Variants in HMGCS2 observed in about 807,000 individuals in gnomAD.
HMGCS2 encodes hydroxymethylglutaryl-CoA synthase, mitochondrial.
Under a neutral mutation model 57.4 loss-of-function variants are expected in HMGCS2, and 50 were observed. That is an observed-to-expected ratio of 0.87 (90% CI 0.69 to 1.10). The LOEUF is 1.10. Ranked by LOEUF, HMGCS2 falls within the 50% of genes least tolerant of loss-of-function variation. The pLI, the probability that HMGCS2 is intolerant of heterozygous loss-of-function variation, is 0.00. For missense variants in HMGCS2, 627 were observed against 636.5 expected (o/e 0.99, Z 0.16); for synonymous variants, 254 against 245.1 (o/e 1.04, Z -0.34).
chr1:119,768,127 A>G (rs759254398), intron 1 of HMGCS2, among the ~76,000 whole-genome samples: 27 of 152,236 alleles, frequency 1.8e-4, no homozygotes, highest in Non-Finnish European at 2.9e-4. Flanking sequence ...AGCCTGAGGC[A>G]CTAACGATAG....
chr1:119,756,435 T>TA (rs1265539465), intron 5 of HMGCS2, among the ~76,000 whole-genome samples: 1 of 152,136 alleles, frequency 6.6e-6, no homozygotes, highest in Non-Finnish European at 1.5e-5. Context: ...GGGCTGGTCT[T>TA]ACAAGCAGTG....
intron 2 of HMGCS2, among the ~76,000 whole-genome samples, chr1:119,763,243 A>G (rs587693389): frequency 1.3e-5 from 2 of 152,340 alleles, no homozygotes; most frequent in East Asian, 3.9e-4. Flanking sequence ...ATATTGAATT[A>G]GATGATCTCT....
At chr1:119,762,134 A>G (rs750601295) in intron 2 of HMGCS2, among the ~76,000 whole-genome samples, 143 of 152,218 alleles carry the variant, frequency 9.4e-4, no homozygotes, top group Non-Finnish European at 1.9e-3. Context: ...TCAATATGGG[A>G]TTAATTAAAT....
At chr1:119,760,431 A>G (rs1173967776) in intron 2 of HMGCS2, among the ~76,000 whole-genome samples, 6 of 152,248 alleles carry the variant, frequency 3.9e-5, no homozygotes, top group African/African-American at 1.2e-4. Context: ...GAGGTAGGTA[A>G]CATCCACATT....
At chr1:119,751,809 G>A (rs749939676) in intron 8 of HMGCS2, among the ~76,000 whole-genome samples, 17 of 152,064 alleles carry the variant, frequency 1.1e-4, no homozygotes, top group South Asian at 2.1e-4. Context: ...TTCCAATTCC[G>A]TATATTCTGT....
intron 2 of HMGCS2, among the ~76,000 whole-genome samples, chr1:119,761,909 A>G (rs1653058093): frequency 6.6e-6 from 1 of 152,252 alleles, no homozygotes; most frequent in Non-Finnish European, 1.5e-5. Context: ...ATTGACAAAG[A>G]TTAGAAAGTT....
chr1:119,750,096 G>A (rs764115376), intron 9 of HMGCS2, among the ~76,000 whole-genome samples: 7 of 152,002 alleles, frequency 4.6e-5, no homozygotes, highest in African/African-American at 1.7e-4. Flanking sequence ...GAACCTCATT[G>A]CTTCTCCCCA....
chr1:119,766,593 C>A (rs1436771580), intron 1 of HMGCS2, among the ~76,000 whole-genome samples: 1 of 152,196 alleles, frequency 6.6e-6, no homozygotes, highest in East Asian at 1.9e-4. Context: ...TTATTTGACT[C>A]CCTCCAAATA....
chr1:119,763,166 C>A (rs1028160801), intron 2 of HMGCS2, among the ~76,000 whole-genome samples: 3 of 152,260 alleles, frequency 2.0e-5, no homozygotes, highest in African/African-American at 7.2e-5. Flanking sequence ...TGTAATTGCA[C>A]GGTCTTGCTG....
At position 119,755,595 on chromosome 1, in the gene HMGCS2, C is replaced by A; in HGVS notation, c.1019G>T (p.Gly340Val). 1.2e-6 allele frequency: 2 copies of A among 1,613,902 alleles called. No homozygotes were observed. The highest frequency in any genetic ancestry group is 1.7e-6 in the Non-Finnish European group (2 of 1,179,946). ...SLYKGLEAFG[G>V]LKLEDTYTNK... ...GGTGTAGGTGTCTTCCAGCTTTAGC[C>A]CCCTGTGAGGTAGCCAGAGGTAGCC... is the stretch of plus-strand genomic sequence containing the variant. The change falls in exon 6 of 10, where the codon GGG becomes GTG. Residue 340 changes from glycine to valine, a missense_variant and splice_region_variant. Coordinates refer to ENST00000369406, the MANE Select transcript of HMGCS2 (RefSeq NM_005518.4).
Position 119,753,333 on chromosome 1 carries a change from G to A in HMGCS2, c.1241C>T (p.Ser414Phe). 6.2e-7 allele frequency: 1 copy of A among 1,613,772 alleles called. No individual in the cohort carries two copies. Among genetic ancestry groups the A allele is most frequent in the South Asian group, 1.1e-5 (1 of 91,048 alleles). ...GSRIGAFSYG[S>F]GLAASFFSFR... ...TGAAAAGAAACTTGCTGCTAAACCAGAGCCATAAGAGAAGGCACCAATCCT... is the reference window on the plus strand; with the variant it reads ...TGAAAAGAAACTTGCTGCTAAACCAAAGCCATAAGAGAAGGCACCAATCCT... Residue 414 changes from serine (S) to phenylalanine (F), a missense_variant, in exon 7 of 10, where the codon TCT becomes TTT. Transcript: ENST00000369406.
intron 2 of HMGCS2, among the ~76,000 whole-genome samples, chr1:119,761,573 G>A (rs1653040208): frequency 6.6e-6 from 1 of 152,110 alleles, no homozygotes; most frequent in African/African-American, 2.4e-5. Context: ...AGACTATCCT[G>A]GCTAACACGG....
At chr1:119,762,361 A>AGG (rs10685746) in intron 2 of HMGCS2, among the ~76,000 whole-genome samples, 53,745 of 151,890 alleles carry the variant, frequency 0.35, 9,891 homozygotes, top group Non-Finnish European at 0.41. Flanking sequence ...AAGTGGTAAC[A>AGG]GGTCAAATGA....
In HMGCS2 at chr1:119,768,690, G is replaced by T. The variant is rs1475400311; in HGVS notation, c.104+51C>A. The T allele has an allele frequency of 3.6e-6, 5 of 1,372,664 alleles. No homozygotes were observed. The South Asian group carries it at 5.8e-5, about 16-fold the overall frequency. 85.0% of individuals were successfully genotyped at this position (1,372,664 alleles called of 1,614,324 possible). On this transcript the variant is annotated intron_variant, in intron 1 of 9. Coordinates refer to ENST00000369406, the MANE Select transcript of HMGCS2 (RefSeq NM_005518.4). Reference sequence around the variant, plus strand: ...TCTAGTGAGTTTTCCCCAATAGCAGGGAAAAACTATCTTTTACTAGTTACA... The same window carrying T: ...TCTAGTGAGTTTTCCCCAATAGCAGTGAAAAACTATCTTTTACTAGTTACA...
chr1:119,752,738 A>G (rs1332271575), intron 7 of HMGCS2, 64 bp from the exon 8 acceptor site: 1 of 1,590,104 alleles, frequency 6.3e-7, no homozygotes. Flanking sequence ...GCCAATCACG[A>G]GTTCAACAGA....
intron 1 of HMGCS2, among the ~76,000 whole-genome samples, chr1:119,766,357 T>G (rs1653228557): frequency 1.3e-5 from 2 of 152,176 alleles, no homozygotes. Flanking sequence ...GCTTATAAAT[T>G]TAGCTCCATT....
chr1:119,757,568 A>G (rs905361344), intron 4 of HMGCS2, 130 bp from the exon 5 acceptor site: 8 of 1,422,130 alleles, frequency 5.6e-6, no homozygotes, highest in African/African-American at 2.8e-5. Context: ...CTGCAAACAC[A>G]TATGAGCTTT....
At chr1:119,759,487 T>G in intron 3 of HMGCS2, 1 of 632,344 alleles carries the variant, frequency 1.6e-6, no homozygotes, top group East Asian at 2.8e-5. Context: ...TTCCCTTTCC[T>G]CACCTACATG....
chr1:119,753,186 G>A lies in HMGCS2; in HGVS notation c.1294+94C>T, dbSNP rs1652718910. 9 of 782,738 alleles carry A rather than the reference G, an allele frequency of 1.1e-5. No homozygotes were observed. In the Admixed American group the frequency reaches 1.6e-4, roughly 14 times the overall value. The allele number at this position is 782,738 out of a possible 1,614,324, so 48.5% of individuals were successfully genotyped here. A position where few individuals can be genotyped will look rare whatever the true frequency, so the allele number is the denominator to read the frequency against. ...TTGCTATTAATAATAACGTAACTCT[G>A]TCAAGATGGCAGCCTCAGTAATGGT... is the stretch of plus-strand genomic sequence containing the variant. On this transcript the variant is annotated intron_variant, in intron 7 of 9. Coordinates refer to ENST00000369406, the MANE Select transcript of HMGCS2 (RefSeq NM_005518.4).
Sources: gnomAD v4.1 joint callset for allele counts (sites outside exome capture counted in the v4.1 genomes callset) on GRCh38, gnomAD v4.1.1 for gene constraint, MANE v1.5 for transcripts, NCBI Gene and HGNC (gene_info 2026-07-23, HGNC 2026-07-21) for gene names.